Variants in DPP10 observed in about 807,000 individuals in gnomAD.
The protein encoded by DPP10 is dipeptidyl peptidase like 10.
Under a neutral mutation model 120.9 loss-of-function variants are expected in DPP10, and 33 were observed. The ratio of observed to expected loss-of-function variants is 0.27; its 90% CI spans 0.21 to 0.37. The LOEUF is 0.37. Ranked by LOEUF, DPP10 falls within the 10% of genes least tolerant of loss-of-function variation. DPP10 has a pLI of 1.00. For synonymous variants in DPP10, 337 were observed against 326.1 expected (o/e 1.03, Z -0.36); for missense variants, 816 against 942.8 (o/e 0.87, Z 1.76).
chr2:114,764,027 G>A (rs1680502529), intron 1 of DPP10, among the ~76,000 whole-genome samples: 1 of 152,144 alleles, frequency 6.6e-6, no homozygotes, highest in Non-Finnish European at 1.5e-5. Context: ...ACTGAAAAGA[G>A]CACATCAAAT....
At chr2:114,470,876 A>G (rs1679850428) in intron 1 of DPP10, among the ~76,000 whole-genome samples, 2 of 152,212 alleles carry the variant, frequency 1.3e-5, no homozygotes, top group South Asian at 4.1e-4. Flanking sequence ...TGCAGACATC[A>G]TCTCACCAAC....
rs556748038 is a variant in DPP10 at position 114,480,259 on chromosome 2, G to A, written c.60+37421G>A. ...AGGAACACTTTTACACTGTTAGTGG[G>A]ACTGTAAACTAGTTCAACCCTTGTG... On this transcript the variant is annotated intron_variant, in intron 1 of 25. Transcript: ENST00000410059. Among the ~76,000 whole-genome samples the A allele has an allele frequency of 9.6e-4, 145 of 151,528 alleles. 2 individuals are homozygous for A. In the East Asian group the frequency reaches 0.025, roughly 26 times the overall value.
chr2:115,031,723 G>A (rs531409718), intron 1 of DPP10, among the ~76,000 whole-genome samples: 11 of 152,100 alleles, frequency 7.2e-5, no homozygotes, highest in Middle Eastern at 3.4e-3. Context: ...ATAATGTGAC[G>A]AAGCAGCTTT....
intron 1 of DPP10, among the ~76,000 whole-genome samples, chr2:115,265,670 T>A (rs1285065072): frequency 6.6e-6 from 1 of 152,148 alleles, no homozygotes; most frequent in Admixed American, 6.5e-5. Context: ...AATAGCACTT[T>A]AAGATTTTAG....
intron 1 of DPP10, among the ~76,000 whole-genome samples, chr2:115,171,957 A>C (rs536243868): frequency 5.5e-4 from 83 of 151,916 alleles, no homozygotes; most frequent in African/African-American, 1.6e-3. Flanking sequence ...GAAATTCACT[A>C]CTCCAGTGAA....
At chr2:114,815,887 T>C (rs1368963937) in intron 1 of DPP10, among the ~76,000 whole-genome samples, 1 of 147,242 alleles carries the variant, frequency 6.8e-6, no homozygotes, top group Non-Finnish European at 1.5e-5. Flanking sequence ...TCTTAGTTTT[T>C]TTTTTTTTTT....
intron 4 of DPP10, among the ~76,000 whole-genome samples, chr2:115,513,276 T>G (rs989807038): frequency 1.3e-5 from 2 of 151,898 alleles, no homozygotes; most frequent in Non-Finnish European, 2.9e-5. Flanking sequence ...GTCTTCAATT[T>G]AGAATATATC....
At chr2:115,016,463 A>AACACCAAAAGCAATG (rs1241573298) in intron 1 of DPP10, among the ~76,000 whole-genome samples, 3 of 152,186 alleles carry the variant, frequency 2.0e-5, no homozygotes, top group African/African-American at 7.2e-5. Context: ...TCATGACAAA[A>AACACCAAAAGCAATG]ACACCAAAAG....
intron 3 of DPP10, among the ~76,000 whole-genome samples, chr2:115,457,351 A>G (rs900216205): frequency 2.0e-5 from 3 of 152,168 alleles, no homozygotes; most frequent in African/African-American, 7.2e-5. Flanking sequence ...TGATTTAGAC[A>G]AATATTCTTA....
intron 1 of DPP10, among the ~76,000 whole-genome samples, chr2:114,497,417 A>G (rs1682763624): frequency 1.1e-5 from 1 of 86,970 alleles, no homozygotes; most frequent in Admixed American, 1.3e-4. Flanking sequence ...ACACATACAT[A>G]TGCATCTATA....
intron 1 of DPP10, among the ~76,000 whole-genome samples, chr2:114,467,180 T>C (rs1347672538): frequency 6.6e-6 from 1 of 152,158 alleles, no homozygotes; most frequent in East Asian, 1.9e-4. Flanking sequence ...GTTATTAAAA[T>C]AGTAAGTGGT....
rs550119541 is a variant in DPP10, at chr2:115,082,151, A to G, written c.61-227088A>G. 5.3e-5 allele frequency among the ~76,000 whole-genome samples: 8 copies of G among 152,268 alleles called. No individual in the cohort carries two copies. In the South Asian group the frequency reaches 1.7e-3, roughly 32 times the overall value. ...GTCCCTGTAAGCAGACCCTCCCATT[A>G]CTATAAACAGTAAGCCTTCTGAACA... On this transcript the variant is annotated intron_variant, in intron 1 of 25. Coordinates refer to ENST00000410059, the MANE Select transcript of DPP10 (RefSeq NM_020868.6).
chr2:115,750,330 G>A (rs1363731163), intron 10 of DPP10: 6 of 471,482 alleles, frequency 1.3e-5, no homozygotes, highest in Non-Finnish European at 1.7e-5. Flanking sequence ...GGAAGTGATT[G>A]AGTTAATAGA....
intron 5 of DPP10, among the ~76,000 whole-genome samples, chr2:115,637,690 CAT>C (rs2086458256): frequency 6.6e-6 from 1 of 152,164 alleles, no homozygotes; most frequent in Non-Finnish European, 1.5e-5. Context: ...CGAAATAGAA[CAT>C]GTTTCATAGG....
intron 1 of DPP10, among the ~76,000 whole-genome samples, chr2:114,588,039 G>A (rs1241585755): frequency 6.6e-6 from 1 of 152,208 alleles, no homozygotes; most frequent in East Asian, 1.9e-4. Context: ...TTTAGAAGCT[G>A]CGCTATTTTA....
intron 1 of DPP10, among the ~76,000 whole-genome samples, chr2:114,827,431 T>G (rs1342911930): frequency 6.6e-6 from 1 of 152,196 alleles, no homozygotes; most frequent in Non-Finnish European, 1.5e-5. Flanking sequence ...TACTGACTTG[T>G]TGACCATGAC....
chr2:115,367,912 C>G (rs1195149892), intron 3 of DPP10, among the ~76,000 whole-genome samples: 1 of 152,038 alleles, frequency 6.6e-6, no homozygotes, highest in East Asian at 1.9e-4. Context: ...GGAATCTAAA[C>G]ATTTCTAATT....
chr2:115,041,550 G>A (rs913165645), intron 1 of DPP10, among the ~76,000 whole-genome samples: 3 of 152,060 alleles, frequency 2.0e-5, no homozygotes, highest in African/African-American at 7.2e-5. Flanking sequence ...ACCAACTTAA[G>A]CATTTCAGCT....
rs140184872 is a variant in DPP10 at position 115,385,336 on chromosome 2, C to T, written c.271+41424C>T. 2.6e-4 allele frequency among the ~76,000 whole-genome samples: 39 copies of T among 149,942 alleles called. 1 individual carries two copies. In the East Asian group the frequency reaches 7.2e-3, roughly 28 times the overall value. ...GTTAGACCAATCCCTTTTGTTCAAT[C>T]ATATTTCTGTCTTTCTTTTTTTTTT... is the stretch of plus-strand genomic sequence containing the variant. On this transcript the variant is annotated intron_variant, in intron 3 of 25. Coordinates refer to ENST00000410059, the MANE Select transcript of DPP10 (RefSeq NM_020868.6).
Sources: allele counts gnomAD v4.1 joint callset (sites outside exome capture counted in the v4.1 genomes callset), GRCh38; gene constraint gnomAD v4.1.1; transcripts MANE v1.5; gene names NCBI Gene and HGNC (gene_info 2026-07-23, HGNC 2026-07-21).